GRIA4: variants seen among roughly 807,000 people sequenced by gnomAD.
GRIA4 encodes the protein glutamate ionotropic receptor AMPA type subunit 4.
Under a neutral mutation model 104.0 loss-of-function variants are expected in GRIA4, and 34 were observed. The observed-to-expected ratio is 0.33, with a 90% CI of 0.25 to 0.44. The LOEUF (loss-of-function observed/expected upper bound fraction) is 0.44. GRIA4 is among the 20% of genes least tolerant of loss of function. GRIA4 has a pLI of 1.00. For synonymous variants in GRIA4, 386 were observed against 381.9 expected (o/e 1.01, Z -0.13); for missense variants, 750 against 1,096.5 (o/e 0.68, Z 4.46).
chr11:105,960,601 C>T (rs1017245337), intron 14 of GRIA4, among the ~76,000 whole-genome samples: 1 of 152,200 alleles, frequency 6.6e-6, no homozygotes, highest in African/African-American at 2.4e-5. Flanking sequence ...GCTGCCGCCC[C>T]TCCCCCAAGG....
chr11:105,611,125 T>A (rs751530058), intron 2 of GRIA4, 40 bp downstream of exon 2: 3 of 1,412,548 alleles, frequency 2.1e-6, no homozygotes, highest in East Asian at 4.6e-5. Context: ...TGGCTGGTTG[T>A]AGCAGATATC....
intron 4 of GRIA4, among the ~76,000 whole-genome samples, chr11:105,793,125 G>C (rs1239809429): frequency 1.3e-5 from 2 of 152,104 alleles, no homozygotes; most frequent in Non-Finnish European, 2.9e-5. Context: ...AACATTTATA[G>C]AGAACTACCA....
chr11:105,664,677 A>C (rs2135420392), intron 3 of GRIA4, among the ~76,000 whole-genome samples: 1 of 152,126 alleles, frequency 6.6e-6, no homozygotes. Context: ...AGTGTGATCT[A>C]ATTATTCTCC....
chr11:105,873,907 G>T (rs1443429293), intron 5 of GRIA4, among the ~76,000 whole-genome samples: 3 of 152,122 alleles, frequency 2.0e-5, no homozygotes, highest in Non-Finnish European at 2.9e-5. Flanking sequence ...CTCTGCAGAA[G>T]CTTTTTAGTT....
chr11:105,626,835 T>A (rs1950898308), intron 3 of GRIA4, among the ~76,000 whole-genome samples: 1 of 152,192 alleles, frequency 6.6e-6, no homozygotes, highest in East Asian at 1.9e-4. Context: ...GGTAGAAGGA[T>A]GTTCTAGTCA....
At chr11:105,847,859 T>C (rs745577700) in intron 4 of GRIA4, among the ~76,000 whole-genome samples, 5 of 152,198 alleles carry the variant, frequency 3.3e-5, no homozygotes, top group Non-Finnish European at 7.3e-5. Flanking sequence ...CGAAAATCCC[T>C]GTAGATGGCC....
intron 3 of GRIA4, among the ~76,000 whole-genome samples, chr11:105,655,853 T>C (rs1951828189): frequency 6.6e-6 from 1 of 152,124 alleles, no homozygotes; most frequent in Non-Finnish European, 1.5e-5. Context: ...TACTCAGTAA[T>C]GGTATTGCTG....
chr11:105,692,806 A>C (rs1013359611), intron 3 of GRIA4, among the ~76,000 whole-genome samples: 7 of 152,226 alleles, frequency 4.6e-5, no homozygotes, highest in Non-Finnish European at 4.4e-5. Flanking sequence ...CAAATAACTT[A>C]ATATAGATTA....
chr11:105,953,799 A>G (rs1948519075), intron 14 of GRIA4, among the ~76,000 whole-genome samples: 1 of 152,078 alleles, frequency 6.6e-6, no homozygotes, highest in Admixed American at 6.6e-5. Context: ...GTATTTTTTA[A>G]CTCCTACAAA....
chr11:105,948,906 T>A (rs1313756627), intron 14 of GRIA4, among the ~76,000 whole-genome samples: 1 of 152,146 alleles, frequency 6.6e-6, no homozygotes. Flanking sequence ...AATAATTTTC[T>A]AAAGGTGATG....
intron 3 of GRIA4, among the ~76,000 whole-genome samples, chr11:105,669,134 C>A (rs749936747): frequency 6.6e-6 from 1 of 151,880 alleles, no homozygotes; most frequent in Non-Finnish European, 1.5e-5. Context: ...TTGTTTCTAC[C>A]ACGACTGTCT....
chr11:105,920,631 T>C (rs1241103254), intron 11 of GRIA4, among the ~76,000 whole-genome samples: 1 of 152,124 alleles, frequency 6.6e-6, no homozygotes, highest in Non-Finnish European at 1.5e-5. Flanking sequence ...ACAAAGGATA[T>C]GAAGGGAGTA....
chr11:105,937,399 T>C (rs967146948), intron 14 of GRIA4, among the ~76,000 whole-genome samples: 1 of 152,172 alleles, frequency 6.6e-6, no homozygotes, highest in African/African-American at 2.4e-5. Flanking sequence ...ACTACACTGG[T>C]TACTAGACTA....
chr11:105,644,743 A>T (rs753285562), intron 3 of GRIA4, among the ~76,000 whole-genome samples: 9 of 152,184 alleles, frequency 5.9e-5, no homozygotes, highest in Non-Finnish European at 1.0e-4. Flanking sequence ...ACCTTAAAGA[A>T]ATTTTACTTA....
At chr11:105,895,679 A>T (rs1458875315) in intron 6 of GRIA4, among the ~76,000 whole-genome samples, 1 of 152,050 alleles carries the variant, frequency 6.6e-6, no homozygotes, top group Non-Finnish European at 1.5e-5. Context: ...AGAATTTTTG[A>T]ATCCTTGATT....
intron 3 of GRIA4, among the ~76,000 whole-genome samples, chr11:105,751,181 C>A (rs7115736): frequency 0.65 from 98,597 of 151,892 alleles, 32,041 homozygotes; most frequent in African/African-American, 0.7. Flanking sequence ...GAGTGAAATA[C>A]AAATTAATTG....
intron 3 of GRIA4, among the ~76,000 whole-genome samples, chr11:105,703,452 G>A (rs934556117): frequency 6.6e-6 from 1 of 152,074 alleles, no homozygotes; most frequent in East Asian, 1.9e-4. Context: ...CCATAAAAAC[G>A]ATAGAATTCA....
intron 3 of GRIA4, among the ~76,000 whole-genome samples, chr11:105,635,040 G>A (rs543902598): frequency 6.6e-6 from 1 of 152,238 alleles, no homozygotes; most frequent in South Asian, 2.1e-4. Context: ...CCAAAACGAG[G>A]CACTAATAAA....
intron 4 of GRIA4, among the ~76,000 whole-genome samples, chr11:105,807,933 T>C (rs1344637589): frequency 6.6e-6 from 1 of 151,974 alleles, no homozygotes; most frequent in Non-Finnish European, 1.5e-5. Context: ...CCTGTTACCT[T>C]TTACTGTTTT....
Sources: gnomAD v4.1 joint callset for allele counts (sites outside exome capture counted in the v4.1 genomes callset) on GRCh38, gnomAD v4.1.1 for gene constraint, MANE v1.5 for transcripts, NCBI Gene and HGNC (gene_info 2026-07-23, HGNC 2026-07-21) for gene names.